NEK11: variants seen among roughly 807,000 people sequenced by gnomAD.
The protein encoded by NEK11 is serine/threonine-protein kinase Nek11.
Under a neutral mutation model 80.7 loss-of-function variants are expected in NEK11, and 72 were observed. The observed-to-expected ratio is 0.89, with a 90% CI of 0.74 to 1.08. The LOEUF (loss-of-function observed/expected upper bound fraction) is 1.08, where lower values mean the gene tolerates loss of function less well. Ranked by LOEUF, NEK11 falls within the 50% of genes least tolerant of loss-of-function variation. The pLI, the probability that NEK11 is intolerant of heterozygous loss-of-function variation, is 0.00. For missense variants in NEK11, 764 were observed against 763.6 expected (o/e 1.00, Z -0.01); for synonymous variants, 251 against 260.7 (o/e 0.96, Z 0.36).
chr3:131,129,096 C>G (rs1431274714), intron 5 of NEK11, among the ~76,000 whole-genome samples: 1 of 142,798 alleles, frequency 7.0e-6, no homozygotes, highest in African/African-American at 2.6e-5. Context: ...CTCTGTCACG[C>G]AGGCGTGTCA....
chr3:131,178,347 C>T (rs2093156214), intron 14 of NEK11, among the ~76,000 whole-genome samples: 1 of 152,170 alleles, frequency 6.6e-6, no homozygotes, highest in Admixed American at 6.6e-5. Context: ...AACTTTTTTA[C>T]TTTATACAAT....
At chr3:131,052,719 A>G (rs757264135) in intron 3 of NEK11, among the ~76,000 whole-genome samples, 2 of 152,162 alleles carry the variant, frequency 1.3e-5, no homozygotes, top group Non-Finnish European at 2.9e-5. Context: ...TTGGCATTTG[A>G]TAGAATGAAA....
chr3:131,142,067 C>T (rs1369561585), intron 7 of NEK11, among the ~76,000 whole-genome samples: 1 of 152,198 alleles, frequency 6.6e-6, no homozygotes, highest in East Asian at 1.9e-4. Flanking sequence ...TGCAGTCCTG[C>T]TCTGATCCAT....
At position 131,249,383 on chromosome 3, in the gene NEK11, G is replaced by A. The variant is rs139368736; in HGVS notation, c.1621+5887G>A. ...CCGCTGAAGGCATGGTATAGGTGAA[G>A]ATTAAAATGGGAAGATTGGTTGACA... is the stretch of plus-strand genomic sequence containing the variant. On this transcript the variant is annotated intron_variant, in intron 16 of 17. Transcript: ENST00000383366. Among the ~76,000 whole-genome samples the A allele has an allele frequency of 6.1e-3, 931 of 152,174 alleles. 3 individuals are homozygous for A. Among genetic ancestry groups the A allele is most frequent in the Non-Finnish European group, 9.6e-3 (652 of 67,976 alleles).
At chr3:131,327,838 T>C (rs1162813131) in intron 17 of NEK11, 1 of 152,066 alleles carries the variant, frequency 6.6e-6, no homozygotes. Context: ...AGTCCTGTTC[T>C]CTACTCTCTC....
At chr3:131,126,214 A>T (rs2083302124) in intron 5 of NEK11, among the ~76,000 whole-genome samples, 1 of 152,142 alleles carries the variant, frequency 6.6e-6, no homozygotes, top group Non-Finnish European at 1.5e-5. Flanking sequence ...TAGTGCTACC[A>T]TTATTATTGG....
chr3:131,297,123 C>T (rs1230321655), intron 17 of NEK11, among the ~76,000 whole-genome samples: 3 of 152,108 alleles, frequency 2.0e-5, no homozygotes, highest in East Asian at 1.9e-4. Flanking sequence ...AATAAACATA[C>T]GTATACATGT....
chr3:131,162,568 T>TTC lies in NEK11; in HGVS notation c.1082+44_1082+45dup, dbSNP rs201158857. 1,165 of 1,605,122 alleles carry TTC rather than the reference T, an allele frequency of 7.3e-4. 18 individuals are homozygous for TTC. In the East Asian group the frequency reaches 0.019, roughly 27 times the overall value. On this transcript the variant is annotated intron_variant, in intron 11 of 17. Transcript: ENST00000383366. Reference sequence around the variant, plus strand: ...TTTAGGCACTCATGCTCGGGACTACTTCTCAGGGCTCTCAGGGAATTTACA... The same window carrying TTC: ...TTTAGGCACTCATGCTCGGGACTACTTCTCTCAGGGCTCTCAGGGAATTTACA...
At chr3:131,190,271 A>T (rs1271850267) in intron 14 of NEK11, among the ~76,000 whole-genome samples, 2 of 152,188 alleles carry the variant, frequency 1.3e-5, no homozygotes, top group Non-Finnish European at 2.9e-5. Flanking sequence ...TGAACAAAGC[A>T]GACACAAATC....
At chr3:131,089,836 CATA>C (rs1338852237) in intron 4 of NEK11, among the ~76,000 whole-genome samples, 1 of 151,014 alleles carries the variant, frequency 6.6e-6, no homozygotes, top group Non-Finnish European at 1.5e-5. Context: ...GATTTTGATG[CATA>C]ATATTTGAGG....
chr3:131,308,514 A>G (rs180895029), intron 17 of NEK11, among the ~76,000 whole-genome samples: 3 of 152,254 alleles, frequency 2.0e-5, no homozygotes, highest in Admixed American at 6.5e-5. Flanking sequence ...CAATAAATTT[A>G]CACCCCTGTC....
intron 17 of NEK11, among the ~76,000 whole-genome samples, chr3:131,346,548 G>A (rs1190293028): frequency 6.6e-6 from 1 of 152,106 alleles, no homozygotes; most frequent in African/African-American, 2.4e-5. Flanking sequence ...GTATACGACT[G>A]AGTTTAACCA....
intron 4 of NEK11, among the ~76,000 whole-genome samples, chr3:131,100,301 A>T (rs1051409087): frequency 6.6e-6 from 1 of 152,202 alleles, no homozygotes; most frequent in East Asian, 1.9e-4. Context: ...CATCCCAAAA[A>T]TAAGGCCTAC....
At chr3:131,072,920 C>T (rs1238217730) in intron 3 of NEK11, among the ~76,000 whole-genome samples, 1 of 152,136 alleles carries the variant, frequency 6.6e-6, no homozygotes, top group Non-Finnish European at 1.5e-5. Flanking sequence ...ACTTTTGTTG[C>T]TCCCCAGTGA....
At chr3:131,243,290 T>C in intron 15 of NEK11, 146 bp from the exon 16 acceptor site, 1 of 631,906 alleles carries the variant, frequency 1.6e-6, no homozygotes, top group Non-Finnish European at 2.7e-6. Flanking sequence ...CATAAAGTTA[T>C]TTTTCTTTTT....
intron 16 of NEK11, among the ~76,000 whole-genome samples, chr3:131,246,907 T>G (rs1428925915): frequency 1.3e-5 from 2 of 152,192 alleles, no homozygotes; most frequent in East Asian, 3.9e-4. Context: ...GCCATTTGTA[T>G]ATCTTCTTTT....
intron 14 of NEK11, among the ~76,000 whole-genome samples, chr3:131,198,538 T>A (rs563051086): frequency 6.6e-6 from 1 of 152,272 alleles, no homozygotes; most frequent in East Asian, 1.9e-4. Flanking sequence ...CACAGTAAGA[T>A]CTCTTCCCTG....
chr3:131,031,789 T>G (rs2064888274), intron 3 of NEK11, among the ~76,000 whole-genome samples: 1 of 151,918 alleles, frequency 6.6e-6, no homozygotes. Context: ...GTGGAATGAA[T>G]CCAGTGGTGA....
intron 17 of NEK11, among the ~76,000 whole-genome samples, chr3:131,308,930 C>T (rs540506888): frequency 2.6e-5 from 4 of 152,274 alleles, no homozygotes; most frequent in East Asian, 3.9e-4. Context: ...ATAAGGAGCA[C>T]GCAACCTAGA....
Sources: gnomAD v4.1 joint callset for allele counts (sites outside exome capture counted in the v4.1 genomes callset) on GRCh38, gnomAD v4.1.1 for gene constraint, MANE v1.5 for transcripts, NCBI Gene and HGNC (gene_info 2026-07-23, HGNC 2026-07-21) for gene names.